Variants in DNAH6 observed in about 807,000 individuals in gnomAD.
DNAH6 encodes the protein axonemal beta dynein heavy chain 6.
Under a neutral mutation model 491.4 loss-of-function variants are expected in DNAH6, and 340 were observed. The observed-to-expected ratio is 0.69, with a 90% confidence interval of 0.63 to 0.76. The LOEUF is 0.76. Ranked by LOEUF, DNAH6 falls within the 30% of genes least tolerant of loss-of-function variation. The probability of loss-of-function intolerance (pLI) is 0.00; values close to 1 mark genes in which losing one functional copy is unlikely to be tolerated. For missense variants in DNAH6, 4,443 were observed against 4,972.2 expected, an observed-to-expected ratio of 0.89 and a Z score of 3.20; for synonymous variants, 1,603 against 1,686.1, an observed-to-expected ratio of 0.95 and a Z score of 1.21.
intron 4 of DNAH6, among the ~76,000 whole-genome samples, chr2:84,538,045 A>G (rs925842375): frequency 2.0e-5 from 3 of 152,144 alleles, no homozygotes; most frequent in African/African-American, 7.2e-5. Context: ...GGATTGATAT[A>G]CCCATTTTAC....
At chr2:84,617,049 AT>A (rs1230817073) in intron 23 of DNAH6, 67 bp downstream of exon 23, 10 of 856,602 alleles carry the variant, frequency 1.2e-5, no homozygotes, top group Admixed American at 3.6e-5. Flanking sequence ...TGAGGTTATA[AT>A]TATAACCTCA....
At chr2:84,551,164 C>A (rs1408139544) in intron 9 of DNAH6, among the ~76,000 whole-genome samples, 1 of 152,204 alleles carries the variant, frequency 6.6e-6, no homozygotes, top group Non-Finnish European at 1.5e-5. Context: ...CTGATGCTCT[C>A]AGCCTGAGTT....
intron 72 of DNAH6, among the ~76,000 whole-genome samples, chr2:84,809,783 C>A (rs990307901): frequency 1.4e-4 from 22 of 152,156 alleles, no homozygotes; most frequent in African/African-American, 5.1e-4. Context: ...AAGGTGGCTG[C>A]CCCAGTTGTC....
the DNAH6 span, among the ~76,000 whole-genome samples, chr2:84,468,063 T>C: frequency 6.6e-6 from 1 of 152,230 alleles, no homozygotes; most frequent in African/African-American, 2.4e-5. Flanking sequence ...CTGACCTACA[T>C]AATTTAGACT....
chr2:84,785,483 TC>T lies in DNAH6; in HGVS notation c.10954-123del, dbSNP rs1017174063. The T allele has an allele frequency of 4.2e-6, 4 of 949,330 alleles. No homozygotes were observed. In the Admixed American group the frequency reaches 1.4e-4, roughly 33 times the overall value. The allele number at this position is 949,330 out of a possible 1,614,324, so 58.8% of individuals were successfully genotyped here. ...GCAGGCTCGAACATGCCAGGAATGG[TC>T]CCCACCTCCCCATGAACATCAGCAA... is the stretch of plus-strand genomic sequence containing the variant. On this transcript the variant is annotated intron_variant, in intron 66 of 76. Transcript: ENST00000389394.
chr2:84,813,456 G>A (rs17025586), intron 74 of DNAH6, among the ~76,000 whole-genome samples: 4,813 of 152,194 alleles, frequency 0.032, 278 homozygotes, highest in African/African-American at 0.11. Flanking sequence ...ACCTGCTCAG[G>A]CCCCAGCTGT....
At chr2:84,507,473 C>T in the DNAH6 span, among the ~76,000 whole-genome samples, 15 of 152,246 alleles carry the variant, frequency 9.9e-5, no homozygotes, top group African/African-American at 2.9e-4. Context: ...TGGGCTGAGA[C>T]GATGGGGTTT....
the DNAH6 span, among the ~76,000 whole-genome samples, chr2:84,461,135 T>C: frequency 6.6e-6 from 1 of 152,220 alleles, no homozygotes; most frequent in Non-Finnish European, 1.5e-5. Context: ...TTATTGAGGC[T>C]TCAGAGGATG....
chr2:84,577,496 T>C, intron 13 of DNAH6, 88 bp downstream of exon 13: 1 of 938,584 alleles, frequency 1.1e-6, no homozygotes, highest in Non-Finnish European at 1.5e-6. Flanking sequence ...ATTTATTTTA[T>C]AGTATTGCAA....
intron 24 of DNAH6, 32 bp from the exon 25 acceptor site, chr2:84,621,159 G>T: frequency 6.5e-6 from 10 of 1,548,734 alleles, no homozygotes; most frequent in Non-Finnish European, 8.7e-6. Context: ...TCCCACACAA[G>T]CCACTTTATC....
the DNAH6 span, among the ~76,000 whole-genome samples, chr2:84,500,993 C>T: frequency 6.6e-6 from 1 of 152,096 alleles, no homozygotes; most frequent in Non-Finnish European, 1.5e-5. Flanking sequence ...TGACTTATTC[C>T]TTTCCAATTT....
At chr2:84,596,858 T>C (rs1558771752) in intron 18 of DNAH6, among the ~76,000 whole-genome samples, 1 of 152,238 alleles carries the variant, frequency 6.6e-6, no homozygotes, top group South Asian at 2.1e-4. Context: ...GATTACATCA[T>C]ATAATTGTAA....
intron 71 of DNAH6, among the ~76,000 whole-genome samples, chr2:84,806,618 C>CAAAA (rs1162301447): frequency 7.8e-5 from 3 of 38,492 alleles, no homozygotes; most frequent in Admixed American, 2.8e-4. Flanking sequence ...GACTCAGTCT[C>CAAAA]AAAAAAAAAA....
chr2:84,503,636 G>A, the DNAH6 span, among the ~76,000 whole-genome samples: 10 of 150,868 alleles, frequency 6.6e-5, no homozygotes, highest in South Asian at 2.1e-4. Flanking sequence ...TTTCTCTTTC[G>A]TGTTTGATGG....
chr2:84,520,176 A>G (rs1676010258), intron 2 of DNAH6, among the ~76,000 whole-genome samples: 1 of 151,976 alleles, frequency 6.6e-6, no homozygotes, highest in Non-Finnish European at 1.5e-5. Context: ...ACATATATGT[A>G]TAATTGTATT....
At chr2:84,565,882 T>C (rs1681148429) in intron 11 of DNAH6, among the ~76,000 whole-genome samples, 1 of 152,060 alleles carries the variant, frequency 6.6e-6, no homozygotes, top group South Asian at 2.1e-4. Flanking sequence ...TGTTGGTTTA[T>C]ACTCTATTTT....
chr2:84,686,378 T>C, intron 43 of DNAH6, 106 bp from the exon 44 acceptor site: 1 of 666,350 alleles, frequency 1.5e-6, no homozygotes, highest in African/African-American at 1.8e-5. Context: ...GTATATTAAT[T>C]AAGTCTTCTA....
chr2:84,656,594 C>T (rs6547575), intron 35 of DNAH6, among the ~76,000 whole-genome samples: 146,929 of 152,170 alleles, frequency 0.97, 70,983 homozygotes, highest in East Asian at 1. Context: ...TCATGAGGTG[C>T]CTATTAAGGA....
At chr2:84,791,479 G>A (rs187198493) in intron 68 of DNAH6, among the ~76,000 whole-genome samples, 1 of 151,922 alleles carries the variant, frequency 6.6e-6, no homozygotes, top group African/African-American at 2.4e-5. Flanking sequence ...GACGAGTCAA[G>A]CCTATAGAGA....
Sources: allele counts gnomAD v4.1 joint callset (sites outside exome capture counted in the v4.1 genomes callset), GRCh38; gene constraint gnomAD v4.1.1; transcripts MANE v1.5; gene names NCBI Gene and HGNC (gene_info 2026-07-23, HGNC 2026-07-21).